The following CBFA2T2 variants were observed in gnomAD, a reference collection of about 807,000 sequenced individuals.
The protein encoded by CBFA2T2 is protein CBFA2T2.
In CBFA2T2, 11 loss-of-function variants were observed where a neutral mutation model predicts 62.2. The observed-to-expected ratio is 0.18, with a 90% CI of 0.11 to 0.29. CBFA2T2 has a LOEUF of 0.29. Among genes scored for constraint, CBFA2T2 ranks in the 10% least tolerant of loss-of-function variants. The pLI, the probability that CBFA2T2 is intolerant of heterozygous loss-of-function variation, is 1.00. For missense variants in CBFA2T2, 592 were observed against 774.1 expected (o/e 0.76, Z 2.79); for synonymous variants, 295 against 287.5 (o/e 1.03, Z -0.27).
At chr20:33,512,192 A>G (rs2011522819) in intron 1 of CBFA2T2, among the ~76,000 whole-genome samples, 1 of 152,054 alleles carries the variant, frequency 6.6e-6, no homozygotes, top group Non-Finnish European at 1.5e-5. Flanking sequence ...AACAAAAATT[A>G]GCCGGGCATG....
chr20:33,510,041 A>C lies in CBFA2T2; in HGVS notation c.34+19740A>C, dbSNP rs753938193. 5.3e-5 allele frequency among the ~76,000 whole-genome samples: 8 copies of C among 151,874 alleles called. No homozygotes were observed. The Middle Eastern group carries it at 0.014, about 258-fold the overall frequency. ...TGTGTCCAAGTGTTCTCATTGTTCA[A>C]TTCCCACCTGTGAGTGAGAACATGC... On this transcript the variant is annotated intron_variant, in intron 1 of 10. Transcript: ENST00000342704.
At chr20:33,644,231 T>C (rs529570102) in intron 10 of CBFA2T2, 116 bp from the exon 11 acceptor site, 3 of 1,121,476 alleles carry the variant, frequency 2.7e-6, no homozygotes, top group African/African-American at 3.1e-5. Context: ...CACAGGTGTA[T>C]GTAGTTCCAA....
intron 1 of CBFA2T2, among the ~76,000 whole-genome samples, chr20:33,508,544 A>G (rs566633386): frequency 2.6e-5 from 4 of 151,952 alleles, no homozygotes; most frequent in Non-Finnish European, 5.9e-5. Context: ...TTAGCCTAGT[A>G]CCTGTTATTT....
At chr20:33,501,537 A>G (rs1444358426) in intron 1 of CBFA2T2, among the ~76,000 whole-genome samples, 1 of 149,288 alleles carries the variant, frequency 6.7e-6, no homozygotes, top group African/African-American at 2.5e-5. Context: ...TAGCTCCTGC[A>G]TTCCCCAGCC....
At chr20:33,549,127 ATTAG>A (rs1264179527) in intron 1 of CBFA2T2, among the ~76,000 whole-genome samples, 1 of 152,232 alleles carries the variant, frequency 6.6e-6, no homozygotes, top group African/African-American at 2.4e-5. Context: ...TGATATTAAT[ATTAG>A]TTGACAAACT....
At chr20:33,558,118 C>A (rs1212388022) in intron 1 of CBFA2T2, among the ~76,000 whole-genome samples, 1 of 150,808 alleles carries the variant, frequency 6.6e-6, no homozygotes, top group East Asian at 1.9e-4. Flanking sequence ...TGAGCCACTG[C>A]GCCTGGGCGC....
intron 3 of CBFA2T2, among the ~76,000 whole-genome samples, chr20:33,611,736 A>G (rs2015537761): frequency 6.6e-6 from 1 of 152,022 alleles, no homozygotes; most frequent in Non-Finnish European, 1.5e-5. Flanking sequence ...GCTGCTTTCA[A>G]ACTCCTAGCC....
At chr20:33,579,871 A>G (rs1253928094) in intron 1 of CBFA2T2, among the ~76,000 whole-genome samples, 1 of 149,842 alleles carries the variant, frequency 6.7e-6, no homozygotes, top group Non-Finnish European at 1.5e-5. Flanking sequence ...CTGGAGTGCA[A>G]TGGCACGGTC....
In CBFA2T2 at chr20:33,590,523, G is replaced by C. The variant is rs1026011367; in HGVS notation, c.35-16433G>C. Among the ~76,000 whole-genome samples, 6 of 152,100 alleles carry C rather than the reference G, an allele frequency of 3.9e-5. No individual in the cohort carries two copies. In the South Asian group the frequency reaches 1.0e-3, roughly 26 times the overall value. On this transcript the variant is annotated intron_variant, in intron 1 of 10. Coordinates refer to ENST00000342704, the MANE Select transcript of CBFA2T2 (RefSeq NM_001032999.3). ...ATAAGATTGTTTTCTTCAAATATTT[G>C]AGAGTGGTAGGACCCCAGAAGAACT... is the stretch of plus-strand genomic sequence containing the variant.
intron 1 of CBFA2T2, among the ~76,000 whole-genome samples, chr20:33,524,320 T>G (rs901438808): frequency 6.6e-6 from 1 of 152,012 alleles, no homozygotes; most frequent in African/African-American, 2.4e-5. Flanking sequence ...AAAAGTTCAG[T>G]CTTTTGTTCT....
chr20:33,641,940 C>G (rs1568874832), intron 10 of CBFA2T2, among the ~76,000 whole-genome samples: 1 of 151,214 alleles, frequency 6.6e-6, no homozygotes, highest in Non-Finnish European at 1.5e-5. Flanking sequence ...CAGTATTGTA[C>G]TGTCACACAT....
At chr20:33,622,156 T>TCCAAA (rs1411414270) in intron 4 of CBFA2T2, among the ~76,000 whole-genome samples, 1 of 152,226 alleles carries the variant, frequency 6.6e-6, no homozygotes, top group Non-Finnish European at 1.5e-5. Flanking sequence ...TCAAATTCCT[T>TCCAAA]ATTCTTAACT....
At chr20:33,593,160 C>T (rs771627994) in intron 1 of CBFA2T2, among the ~76,000 whole-genome samples, 2 of 151,892 alleles carry the variant, frequency 1.3e-5, no homozygotes, top group Non-Finnish European at 2.9e-5. Context: ...GGTGAAACCC[C>T]ATCACTACTA....
At chr20:33,601,042 A>G (rs2015111568) in intron 1 of CBFA2T2, among the ~76,000 whole-genome samples, 1 of 152,170 alleles carries the variant, frequency 6.6e-6, no homozygotes, top group Non-Finnish European at 1.5e-5. Flanking sequence ...AAAAAAAGGA[A>G]CATTATAATT....
chr20:33,609,126 CTTAA>C (rs772795967), intron 2 of CBFA2T2, among the ~76,000 whole-genome samples: 32 of 152,080 alleles, frequency 2.1e-4, no homozygotes, highest in African/African-American at 3.4e-4. Context: ...ACTTATAAAA[CTTAA>C]TTAAAGTATG....
chr20:33,607,098 A>G lies in CBFA2T2; in HGVS notation c.177A>G (p.Ala59=), dbSNP rs775349775. The G allele has an allele frequency of 2.5e-6, 4 of 1,612,960 alleles. No homozygotes were observed. In the South Asian group the frequency reaches 3.3e-5, roughly 13 times the overall value. The change falls in exon 2 of 11, where the codon GCA becomes GCG. Residue 59 remains alanine (A), a splice_region_variant and synonymous_variant. Transcript: ENST00000342704. The part of the protein sequence containing the change: ...GPRPVSFTPT[A]LSNGINHSPP... ...GGCCAGTGTCCTTCACTCCTACTGC[A>G]TGTGAGACCTCTTAGTTACTTATGT...
chr20:33,627,678 A>G (rs2016292378), intron 6 of CBFA2T2, among the ~76,000 whole-genome samples: 2 of 152,258 alleles, frequency 1.3e-5, no homozygotes, highest in South Asian at 2.1e-4. Flanking sequence ...AATCATGAGG[A>G]ACTCAATATA....
intron 1 of CBFA2T2, among the ~76,000 whole-genome samples, chr20:33,540,783 C>T (rs1386282837): frequency 6.6e-6 from 1 of 152,058 alleles, no homozygotes; most frequent in Non-Finnish European, 1.5e-5. Context: ...CTTAGTGCTG[C>T]GTATATAAAG....
chr20:33,563,247 A>G (rs532092242), intron 1 of CBFA2T2, among the ~76,000 whole-genome samples: 55 of 152,338 alleles, frequency 3.6e-4, no homozygotes, highest in African/African-American at 1.2e-3. Flanking sequence ...AATAACATCA[A>G]TGAATCTGAC....
Sources: gnomAD v4.1 joint callset for allele counts (sites outside exome capture counted in the v4.1 genomes callset) on GRCh38, gnomAD v4.1.1 for gene constraint, MANE v1.5 for transcripts, NCBI Gene and HGNC (gene_info 2026-07-23, HGNC 2026-07-21) for gene names.